The following ARAP2 variants were observed in gnomAD, a reference collection of about 807,000 sequenced individuals.
ARAP2 encodes the protein ArfGAP with RhoGAP domain, ankyrin repeat and PH domain 2.
ARAP2 carries 148 observed loss-of-function variants against 194.5 expected under a neutral mutation model. That is an observed-to-expected ratio of 0.76 (90% CI 0.67 to 0.87). The LOEUF is 0.87. ARAP2 is among the 40% of genes least tolerant of loss of function. ARAP2 has a pLI of 0.00. For missense variants in ARAP2, 2,128 were observed against 1,989.7 expected (o/e 1.07, Z -1.32); for synonymous variants, 695 against 683.5 (o/e 1.02, Z -0.26).
In ARAP2 at chr4:36,070,347, G is replaced by A. The variant is rs1726545635; in HGVS notation, c.4744-2069C>T. Among the ~76,000 whole-genome samples the A allele has an allele frequency of 3.9e-5, 6 of 152,280 alleles. No homozygotes were observed. The South Asian group carries it at 1.2e-3, about 32-fold the overall frequency. Reference sequence around the variant, plus strand: ...GAAAGAAAGTCATAGTTTATACACTGTACTGTCCTTAAAAGATTAGGCATT... The same window carrying A: ...GAAAGAAAGTCATAGTTTATACACTATACTGTCCTTAAAAGATTAGGCATT... On this transcript the variant is annotated intron_variant, in intron 32 of 32. Coordinates refer to ENST00000303965, the MANE Select transcript of ARAP2 (RefSeq NM_015230.4).
At chr4:36,195,826 ATATTTGCT>A (rs1742961715) in intron 6 of ARAP2, among the ~76,000 whole-genome samples, 1 of 152,160 alleles carries the variant, frequency 6.6e-6, no homozygotes, top group African/African-American at 2.4e-5. Flanking sequence ...CTAATTTTAT[ATATTTGCT>A]TATTTGCTTA....
chr4:36,148,602 T>C, intron 16 of ARAP2, 95 bp from the exon 17 acceptor site: 1 of 837,682 alleles, frequency 1.2e-6, no homozygotes, highest in Non-Finnish European at 1.9e-6. Flanking sequence ...AAATTCCTTT[T>C]AAAATAAACT....
intron 15 of ARAP2, among the ~76,000 whole-genome samples, chr4:36,155,976 T>C (rs560761144): frequency 2.6e-5 from 4 of 152,192 alleles, no homozygotes; most frequent in African/African-American, 9.6e-5. Flanking sequence ...ACTACCTGTG[T>C]GATTTCCATT....
At chr4:36,243,418 C>T (rs948175914) in intron 1 of ARAP2, among the ~76,000 whole-genome samples, 2 of 140,830 alleles carry the variant, frequency 1.4e-5, no homozygotes, top group Non-Finnish European at 3.0e-5. Context: ...AATTTGCTAT[C>T]AGGATACCTA....
chr4:36,153,725 T>C (rs1731561278), intron 15 of ARAP2, among the ~76,000 whole-genome samples: 1 of 152,184 alleles, frequency 6.6e-6, no homozygotes, highest in Non-Finnish European at 1.5e-5. Flanking sequence ...GATTGTCAGC[T>C]ACAGCCTACA....
intron 2 of ARAP2, among the ~76,000 whole-genome samples, chr4:36,056,749 C>T (rs1723585571): frequency 6.6e-6 from 1 of 151,786 alleles, no homozygotes; most frequent in Non-Finnish European, 1.5e-5. Flanking sequence ...TTTTAGTTTT[C>T]CATTTTTCTT....
chr4:36,188,603 T>C (rs573389123), intron 7 of ARAP2, among the ~76,000 whole-genome samples: 1 of 152,222 alleles, frequency 6.6e-6, no homozygotes, highest in South Asian at 2.1e-4. Context: ...AGTCAAAAGA[T>C]AGGAGGCTGA....
intron 31 of ARAP2, among the ~76,000 whole-genome samples, chr4:36,075,726 G>A (rs184606150): frequency 2.0e-4 from 30 of 151,988 alleles, no homozygotes; most frequent in Admixed American, 1.3e-3. Context: ...TTGCTCCTTC[G>A]TTCTCTATCA....
intron 9 of ARAP2, among the ~76,000 whole-genome samples, chr4:36,010,743 T>A (rs1714348116): frequency 6.6e-6 from 1 of 152,078 alleles, no homozygotes; most frequent in African/African-American, 2.4e-5. Context: ...CCTCTAAGAA[T>A]AATCATTAAT....
intron 11 of ARAP2, among the ~76,000 whole-genome samples, chr4:36,164,581 G>A (rs963096232): frequency 1.3e-5 from 2 of 152,114 alleles, no homozygotes; most frequent in African/African-American, 4.8e-5. Flanking sequence ...GGGAAAGGTG[G>A]ACAAATCTTC....
Position 36,147,634 on chromosome 4 carries a change from G to A in ARAP2, c.3113C>T (p.Ala1038Val), listed in dbSNP as rs1729955719. 1 of 1,613,570 alleles carries A rather than the reference G, an allele frequency of 6.2e-7. No individual in the cohort carries two copies. Among genetic ancestry groups the A allele is most frequent in the Non-Finnish European group, 8.5e-7 (1 of 1,179,686 alleles). Residue 1038 changes from alanine (A) to valine (V), a missense_variant, in exon 18 of 33, where the codon GCT becomes GTT. Coordinates refer to ENST00000303965, the MANE Select transcript of ARAP2 (RefSeq NM_015230.4). Reference protein sequence around the residue: ...ALDQWRKGWFAMDKSSLHFCL... With the variant: ...ALDQWRKGWFVMDKSSLHFCL... ...AAAATGCAAGCTGGATTTGTCCATA[G>A]CAAACCAGCCTTTTCTCCACTGATC...
intron 19 of ARAP2, among the ~76,000 whole-genome samples, chr4:36,144,275 G>A (rs552955372): frequency 2.6e-5 from 4 of 151,978 alleles, no homozygotes; most frequent in African/African-American, 7.2e-5. Flanking sequence ...GCTCTGAGGG[G>A]TCAGACACCA....
chr4:36,160,826 C>CA (rs1733727446), intron 12 of ARAP2, among the ~76,000 whole-genome samples, 185 bp from the exon 13 acceptor site: 1 of 152,158 alleles, frequency 6.6e-6, no homozygotes, highest in African/African-American at 2.4e-5. Context: ...GTTTTTAATA[C>CA]AGCCTACCCA....
Position 36,080,200 on chromosome 4 carries a change from C to T in ARAP2, c.4608+16G>A, listed in dbSNP as rs1729181148. On this transcript the variant is annotated intron_variant, in intron 31 of 32. Transcript: ENST00000303965. Reference sequence around the variant, plus strand: ...AGTTATTATACTCTACTGGATAGTTCAAACAAATCTCGTACCTGGGCAATA... The same window carrying T: ...AGTTATTATACTCTACTGGATAGTTTAAACAAATCTCGTACCTGGGCAATA... 1 of 1,608,154 alleles carries T rather than the reference C, an allele frequency of 6.2e-7. No homozygotes were observed. Among genetic ancestry groups the T allele is most frequent in the South Asian group, 1.1e-5 (1 of 90,898 alleles).
rs553925674 is a variant in ARAP2 at position 36,043,886 on chromosome 4, A to G, written n.607+2093T>C. Among the ~76,000 whole-genome samples, 364 of 134,266 alleles carry G rather than the reference A, an allele frequency of 2.7e-3. 3 individuals are homozygous for G. Among genetic ancestry groups the G allele is most frequent in the African/African-American group, 9.4e-3 (343 of 36,556 alleles). The allele number at this position is 134,266 out of a possible 152,430, so 88.1% of individuals were successfully genotyped here. A position where few individuals can be genotyped will look rare whatever the true frequency, so the allele number is the denominator to read the frequency against. ...AGGGGAAGGGAAGGGAAAAAGGGAA[A>G]GGAAAAAGGGAGAGGGAAAGAGAAA... On this transcript the variant is annotated intron_variant and non_coding_transcript_variant, in intron 5 of 12. Transcript: ENST00000503225.
intron 19 of ARAP2, among the ~76,000 whole-genome samples, chr4:36,137,267 T>C (rs1727072256): frequency 6.6e-6 from 1 of 151,800 alleles, no homozygotes; most frequent in Non-Finnish European, 1.5e-5. Flanking sequence ...CACAAACACA[T>C]GCATTTAGCC....
chr4:36,237,936 T>C (rs532334400), intron 1 of ARAP2, among the ~76,000 whole-genome samples: 227 of 152,336 alleles, frequency 1.5e-3, no homozygotes, highest in Middle Eastern at 0.01. Context: ...AGAGAAAATA[T>C]GCTTATGATT....
intron 5 of ARAP2, among the ~76,000 whole-genome samples, chr4:36,042,209 C>T (rs1024717890): frequency 6.6e-6 from 1 of 151,966 alleles, no homozygotes; most frequent in African/African-American, 2.4e-5. Context: ...GAATAGGTGG[C>T]TTATATTTTT....
At chr4:36,065,108 C>T (rs1048250031), downstream of ARAP2, 6 of 242,728 alleles carry the variant, frequency 2.5e-5, no homozygotes, top group African/African-American at 1.1e-4. Context: ...CTAGGCCTAG[C>T]GAGACGTGAG....
Sources: gnomAD v4.1 joint callset for allele counts (sites outside exome capture counted in the v4.1 genomes callset) on GRCh38, gnomAD v4.1.1 for gene constraint, MANE v1.5 for transcripts, NCBI Gene and HGNC (gene_info 2026-07-23, HGNC 2026-07-21) for gene names.